Variants in TPT1 observed in about 807,000 individuals in gnomAD.
TPT1 encodes translationally-controlled tumor protein.
A neutral mutation model predicts 22.8 loss-of-function variants in TPT1; 5 were observed. That is an observed-to-expected ratio of 0.22 (90% CI 0.11 to 0.46). TPT1 has a LOEUF of 0.46. TPT1 is among the 20% of genes least tolerant of loss of function. The probability of loss-of-function intolerance (pLI) is 0.99; values close to 1 mark genes in which losing one functional copy is unlikely to be tolerated. For missense variants in TPT1, 130 were observed against 218.7 expected (o/e 0.59, Z 2.56); for synonymous variants, 89 against 73.6 (o/e 1.21, Z -1.07).
chr13:45,340,270 A>G, intron 2 of TPT1, 86 bp from the exon 3 acceptor site: 3 of 1,465,244 alleles, frequency 2.0e-6, no homozygotes, highest in Non-Finnish European at 2.8e-6. Context: ...GATAAGAAGT[A>G]TTCTTAGTTC....
intron 5 of TPT1, 48 bp from the exon 6 acceptor site, chr13:45,337,436 A>C: frequency 6.2e-7 from 1 of 1,614,160 alleles, no homozygotes; most frequent in Non-Finnish European, 8.5e-7. Flanking sequence ...TTACACTGCA[A>C]AAGTTACATT....
At chr13:45,339,771 TTGAC>T (rs1593557277) in intron 3 of TPT1, 169 bp from the exon 4 acceptor site, 1 of 756,808 alleles carries the variant, frequency 1.3e-6, no homozygotes, top group Non-Finnish European at 2.1e-6. Context: ...ACATTTCTTG[TTGAC>T]TATTTTCAAA....
intron 2 of TPT1, 169 bp from the exon 3 acceptor site, chr13:45,340,353 TAA>T (rs762540892): frequency 3.0e-6 from 3 of 996,632 alleles, no homozygotes; most frequent in Admixed American, 2.0e-5. Flanking sequence ...CGACCTAACT[TAA>T]AAGAGTTGTC....
In TPT1 at chr13:45,336,481, AAT is replaced by A. The variant is rs1397073431; in HGVS notation, c.*903_*904del. 1.3e-5 allele frequency: 2 copies of A among 152,160 alleles called. No individual in the cohort carries two copies. The highest frequency in any genetic ancestry group is 2.9e-5 in the Non-Finnish European group (2 of 68,028). 9.4% of individuals were successfully genotyped at this position (152,160 alleles called of 1,614,324 possible). On this transcript the variant is annotated 3_prime_UTR_variant, in exon 6 of 6. Transcript: ENST00000530705. ...TCAGACACCCCATCTTTTCAGATAC[AAT>A]ATAGAGAACATTTTTACCCCTTTGC... is the stretch of plus-strand genomic sequence containing the variant.
rs185215218 is a variant in TPT1, at chr13:45,340,394, T to C, written c.103-210A>G. The C allele has an allele frequency of 5.4e-4, 447 of 830,526 alleles. 2 individuals carry two copies. The highest frequency in any genetic ancestry group is 7.8e-4 in the Non-Finnish European group (393 of 502,466). The allele number at this position is 830,526 out of a possible 1,614,324, so 51.4% of individuals were successfully genotyped here. On this transcript the variant is annotated intron_variant, in intron 2 of 5. Coordinates refer to ENST00000530705, the MANE Select transcript of TPT1 (RefSeq NM_003295.4). The stretch of plus-strand genomic sequence containing the variant: ...TGGCCGGAACAAAAAATGGGGTCAT[T>C]AAAAAGTTGTTTCCAGTTGCGGGCA...
chr13:45,337,896 TTTA>T (rs1442108571), intron 5 of TPT1, among the ~76,000 whole-genome samples: 5 of 152,196 alleles, frequency 3.3e-5, no homozygotes, highest in African/African-American at 4.8e-5. Context: ...CACCAAGTTA[TTTA>T]TTATTAGTAA....
intron 2 of TPT1, 94 bp from the exon 3 acceptor site, chr13:45,340,278 T>C (rs962791762): frequency 1.5e-5 from 22 of 1,440,664 alleles, no homozygotes; most frequent in Non-Finnish European, 1.3e-5. Context: ...GTATTCTTAG[T>C]TCTTGCTGAA....
At chr13:45,338,907 T>A in intron 4 of TPT1, 131 bp from the exon 5 acceptor site, 5 of 686,050 alleles carry the variant, frequency 7.3e-6, no homozygotes, top group Non-Finnish European at 9.6e-6. Context: ...AAAGCTCTGA[T>A]GCTCACTTAT....
intron 5 of TPT1, 39 bp downstream of exon 5, chr13:45,338,621 T>C (rs776671025): frequency 1.9e-5 from 30 of 1,600,408 alleles, no homozygotes; most frequent in Admixed American, 1.6e-4. Flanking sequence ...AAAATGTCTT[T>C]TTTACATTAT....
Position 45,334,569 on chromosome 13 carries a change from T to G in TPT1, c.*2817A>C, listed in dbSNP as rs1566173461. ...TCAGACCAAAATACTTGTATCAACA[T>G]TAAATCCATCCTCACCCACCAGCAT... is the stretch of plus-strand genomic sequence containing the variant. On this transcript the variant is annotated 3_prime_UTR_variant, in exon 6 of 6. Coordinates refer to ENST00000530705, the MANE Select transcript of TPT1 (RefSeq NM_003295.4). The G allele has an allele frequency of 2.0e-5, 3 of 152,352 alleles. No homozygotes were observed. The South Asian group carries it at 6.2e-4, about 32-fold the overall frequency. The allele number at this position is 152,352 out of a possible 1,614,324, so 9.4% of individuals were successfully genotyped here. A position where few individuals can be genotyped will look rare whatever the true frequency, so the allele number is the denominator to read the frequency against.
Position 45,340,940 on chromosome 13 carries a change from C to G in TPT1, c.28+102G>C, listed in dbSNP as rs1392912220. 5.2e-6 allele frequency: 8 copies of G among 1,540,796 alleles called. No individual in the cohort carries two copies. In the East Asian group the frequency reaches 7.4e-5, roughly 14 times the overall value. On this transcript the variant is annotated intron_variant, in intron 1 of 5. Coordinates refer to ENST00000530705, the MANE Select transcript of TPT1 (RefSeq NM_003295.4). ...CCGACCCCTCCGCGCTCGGCTAAGA[C>G]CGCCGGCGTCCCCTAGGCCCGCGAC...
intron 1 of TPT1, 58 bp downstream of exon 1, chr13:45,340,984 C>T (rs919545783): frequency 4.4e-6 from 7 of 1,580,208 alleles, no homozygotes; most frequent in African/African-American, 1.4e-5. Flanking sequence ...CTTCCCCGCC[C>T]CCACCCGCAC....
At chr13:45,340,684 C>A in intron 2 of TPT1, 28 bp downstream of exon 2, 4 of 1,559,788 alleles carry the variant, frequency 2.6e-6, no homozygotes, top group Middle Eastern at 3.5e-4. Flanking sequence ...GGCCCGGACT[C>A]CCCCACGCGC....
At chr13:45,337,605 T>C in intron 5 of TPT1, 1 of 1,579,754 alleles carries the variant, frequency 6.3e-7, no homozygotes, top group Non-Finnish European at 8.6e-7. Flanking sequence ...TATCAGTGGA[T>C]GCAGAACACC....
At position 45,335,206 on chromosome 13, in the gene TPT1, G is replaced by A. The variant is rs1199423433; in HGVS notation, c.*2180C>T. 6.6e-6 allele frequency: 1 copy of A among 152,176 alleles called. No homozygotes were observed. Among genetic ancestry groups the A allele is most frequent in the Non-Finnish European group, 1.5e-5 (1 of 68,036 alleles). 9.4% of individuals were successfully genotyped at this position (152,176 alleles called of 1,614,324 possible). A position where few individuals can be genotyped will look rare whatever the true frequency, so the allele number is the denominator to read the frequency against. ...TAAAATGAGACAGTCTTCAAAGTCT[G>A]AGAAGATTCTACCTGGAATCTTCAA... On this transcript the variant is annotated 3_prime_UTR_variant, in exon 6 of 6. Transcript: ENST00000530705.
intron 4 of TPT1, chr13:45,338,992 G>A (rs1034073310): frequency 4.5e-6 from 2 of 440,882 alleles, no homozygotes; most frequent in East Asian, 3.7e-5. Flanking sequence ...GAGCAATCCA[G>A]GAACACTAGG....
At chr13:45,340,895 C>T in intron 1 of TPT1, 110 bp from the exon 2 acceptor site, 1 of 1,488,304 alleles carries the variant, frequency 6.7e-7, no homozygotes, top group Non-Finnish European at 9.0e-7. Context: ...CACACCAGAG[C>T]TGGGCGCGAG....
chr13:45,339,366 A>C (rs1279685303), intron 4 of TPT1, 131 bp downstream of exon 4: 1 of 652,078 alleles, frequency 1.5e-6, no homozygotes, highest in African/African-American at 1.9e-5. Context: ...AGATTTGGAA[A>C]CACCTGCGAG....
chr13:45,337,612 C>A, intron 5 of TPT1: 2 of 1,563,464 alleles, frequency 1.3e-6, no homozygotes, highest in Non-Finnish European at 1.7e-6. Context: ...GGATGCAGAA[C>A]ACCCTTACCA....
Sources: allele counts gnomAD v4.1 joint callset (sites outside exome capture counted in the v4.1 genomes callset), GRCh38; gene constraint gnomAD v4.1.1; transcripts MANE v1.5; gene names NCBI Gene and HGNC (gene_info 2026-07-23, HGNC 2026-07-21).